SCAPER: variants seen among roughly 807,000 people sequenced by gnomAD.
SCAPER encodes S-phase cyclin A associated protein in the ER, also known as S phase cyclin A-associated protein in the endoplasmic reticulum.
In SCAPER, 98 loss-of-function variants were observed where a neutral mutation model predicts 182.2. That is an observed-to-expected ratio of 0.54 (90% CI 0.46 to 0.64). SCAPER has a LOEUF of 0.64. Among genes scored for constraint, SCAPER ranks in the 30% least tolerant of loss-of-function variants. The pLI is 0.00. For missense variants in SCAPER, 1,432 were observed against 1,690.0 expected (o/e 0.85, Z 2.68); for synonymous variants, 605 against 564.6 (o/e 1.07, Z -1.01).
intron 26 of SCAPER, among the ~76,000 whole-genome samples, chr15:76,413,318 A>G (rs1813836609): frequency 6.6e-6 from 1 of 152,204 alleles, no homozygotes; most frequent in Non-Finnish European, 1.5e-5. Context: ...TCTTAAAGGA[A>G]AAGTGTTTAT....
chr15:76,663,727 G>C (rs1357090995), intron 21 of SCAPER, among the ~76,000 whole-genome samples: 3 of 152,054 alleles, frequency 2.0e-5, no homozygotes, highest in Non-Finnish European at 1.5e-5. Flanking sequence ...ACTGCAAAGA[G>C]GAACAAAGAA....
At chr15:76,446,328 T>G (rs1342676802) in intron 25 of SCAPER, among the ~76,000 whole-genome samples, 1 of 152,142 alleles carries the variant, frequency 6.6e-6, no homozygotes, top group Non-Finnish European at 1.5e-5. Context: ...GATGGAAGTT[T>G]TATTACTATT....
At chr15:76,551,933 G>A (rs2045805834) in intron 23 of SCAPER, among the ~76,000 whole-genome samples, 1 of 151,928 alleles carries the variant, frequency 6.6e-6, no homozygotes, top group South Asian at 2.1e-4. Flanking sequence ...CTTTGGCCTG[G>A]GAGGCCTAGT....
At chr15:76,630,180 C>A (rs1351561029) in intron 21 of SCAPER, among the ~76,000 whole-genome samples, 2 of 151,832 alleles carry the variant, frequency 1.3e-5, no homozygotes, top group Admixed American at 1.3e-4. Context: ...CTACTTGATT[C>A]TTCTCTATTT....
At chr15:76,673,989 A>ACACACACC (rs1387070676) in intron 20 of SCAPER, among the ~76,000 whole-genome samples, 11 of 143,324 alleles carry the variant, frequency 7.7e-5, no homozygotes, top group African/African-American at 1.5e-4. Flanking sequence ...ACACACACAC[A>ACACACACC]CCCCAATCAG....
intron 21 of SCAPER, among the ~76,000 whole-genome samples, chr15:76,648,934 T>C (rs1029928361): frequency 6.6e-6 from 1 of 152,142 alleles, no homozygotes; most frequent in Non-Finnish European, 1.5e-5. Context: ...TAATAAAAGA[T>C]TAGGGTGGGA....
chr15:76,716,727 T>G (rs1309107387), intron 17 of SCAPER, among the ~76,000 whole-genome samples: 5 of 151,354 alleles, frequency 3.3e-5, no homozygotes, highest in Non-Finnish European at 7.4e-5. Context: ...CTTGAAGGTT[T>G]CTGAAATGAC....
chr15:76,753,736 TA>T (rs1290660046), intron 15 of SCAPER, 71 bp downstream of exon 15: 1 of 1,467,068 alleles, frequency 6.8e-7, no homozygotes, highest in Non-Finnish European at 9.3e-7. Context: ...CATTATCTTC[TA>T]TTACTATTAT....
chr15:76,820,350 C>A (rs1251425377), intron 5 of SCAPER, among the ~76,000 whole-genome samples: 3 of 152,030 alleles, frequency 2.0e-5, no homozygotes, highest in Non-Finnish European at 2.9e-5. Flanking sequence ...AAATGTCCAA[C>A]AAGGATAGAC....
intron 4 of SCAPER, among the ~76,000 whole-genome samples, chr15:76,849,032 TA>T (rs1487686337): frequency 6.6e-6 from 1 of 152,136 alleles, no homozygotes; most frequent in Non-Finnish European, 1.5e-5. Flanking sequence ...GCCCTTGGAC[TA>T]GGGGAGGACA....
At chr15:76,815,052 CA>C (rs397825301) in intron 5 of SCAPER, among the ~76,000 whole-genome samples, 31 of 13,654 alleles carry the variant, frequency 2.3e-3, no homozygotes, top group South Asian at 4.4e-3. Context: ...CAAATTAAAA[CA>C]AAAAAAAAAT....
At position 76,848,561 on chromosome 15, in the gene SCAPER, C is replaced by T. The variant is rs560474698; in HGVS notation, c.196-6630G>A. On this transcript the variant is annotated intron_variant, in intron 4 of 31. Coordinates refer to ENST00000563290, the MANE Select transcript of SCAPER (RefSeq NM_020843.4). Reference sequence around the variant, plus strand: ...GTGTTAGCCAGGATGGTCTCGATCTCCTGACCTCGCGATCTGCCCACCTCG... The same window carrying T: ...GTGTTAGCCAGGATGGTCTCGATCTTCTGACCTCGCGATCTGCCCACCTCG... Among the ~76,000 whole-genome samples, 8 of 143,184 alleles carry T rather than the reference C, an allele frequency of 5.6e-5. No individual in the cohort carries two copies. In the East Asian group the frequency reaches 1.3e-3, roughly 23 times the overall value. The allele number at this position is 143,184 out of a possible 152,430, so 93.9% of individuals were successfully genotyped here. A position where few individuals can be genotyped will look rare whatever the true frequency, so the allele number is the denominator to read the frequency against.
At chr15:76,461,915 A>G (rs1465466928) in intron 25 of SCAPER, among the ~76,000 whole-genome samples, 1 of 152,194 alleles carries the variant, frequency 6.6e-6, no homozygotes, top group African/African-American at 2.4e-5. Context: ...AAACTCTACT[A>G]GTGAATAGCA....
chr15:76,472,809 AGGAG>A (rs2050295555), intron 24 of SCAPER, among the ~76,000 whole-genome samples: 1 of 152,190 alleles, frequency 6.6e-6, no homozygotes, highest in African/African-American at 2.4e-5. Context: ...GACTCCCAGG[AGGAG>A]GGATTCCATG....
intron 24 of SCAPER, among the ~76,000 whole-genome samples, chr15:76,479,411 A>C (rs1173964503): frequency 1.3e-5 from 2 of 152,184 alleles, no homozygotes; most frequent in African/African-American, 4.8e-5. Flanking sequence ...AGAAGACATT[A>C]AAAACTTATT....
At position 76,488,714 on chromosome 15, in the gene SCAPER, CTTTTTTTTTTTTTTT is replaced by C. The variant is rs71143333; in HGVS notation, c.2954+16130_2954+16144del. Among the ~76,000 whole-genome samples the C allele has an allele frequency of 2.0e-4, 19 of 93,138 alleles. No individual in the cohort carries two copies. The East Asian group carries it at 4.0e-3, about 20-fold the overall frequency. The allele number at this position is 93,138 out of a possible 152,430, so 61.1% of individuals were successfully genotyped here. A position where few individuals can be genotyped will look rare whatever the true frequency, so the allele number is the denominator to read the frequency against. ...TTGCATCCTGATAACAGTACACTGC[CTTTTTTTTTTTTTTT>C]TTTTTTTTTTTTTTGAGACGGAGTC... is the stretch of plus-strand genomic sequence containing the variant. On this transcript the variant is annotated intron_variant, in intron 24 of 31. Transcript: ENST00000563290.
intron 23 of SCAPER, among the ~76,000 whole-genome samples, chr15:76,515,926 G>C (rs2042380030): frequency 6.6e-6 from 1 of 152,182 alleles, no homozygotes; most frequent in Admixed American, 6.5e-5. Flanking sequence ...GAATCCCACA[G>C]CCTTGGAAAA....
intron 2 of SCAPER, among the ~76,000 whole-genome samples, chr15:76,873,898 CT>C (rs559728517): frequency 1.9e-3 from 270 of 144,250 alleles, no homozygotes; most frequent in Middle Eastern, 3.5e-3. Flanking sequence ...TTTTCTTCTT[CT>C]TTTTTTTTTT....
intron 22 of SCAPER, among the ~76,000 whole-genome samples, chr15:76,603,696 T>A (rs1209564061): frequency 2.5e-5 from 3 of 121,056 alleles, no homozygotes; most frequent in African/African-American, 5.0e-5. Context: ...GCACCTGTTG[T>A]TTCCTGACTT....
Sources: allele counts gnomAD v4.1 joint callset (sites outside exome capture counted in the v4.1 genomes callset), GRCh38; gene constraint gnomAD v4.1.1; transcripts MANE v1.5; gene names NCBI Gene and HGNC (gene_info 2026-07-23, HGNC 2026-07-21).